Variants in MBTPS1 observed in about 807,000 individuals in gnomAD.
The protein encoded by MBTPS1 is membrane-bound transcription factor site-1 protease.
In MBTPS1, 94 loss-of-function variants were observed where a neutral mutation model predicts 127.8. The observed-to-expected ratio is 0.74, with a 90% CI of 0.62 to 0.87. MBTPS1 has a LOEUF of 0.87. Among genes scored for constraint, MBTPS1 ranks in the 40% least tolerant of loss-of-function variants. MBTPS1 has a pLI of 0.00. For synonymous variants in MBTPS1, 632 were observed against 509.4 expected (o/e 1.24, Z -3.24); for missense variants, 1,636 against 1,353.2 (o/e 1.21, Z -3.28).
chr16:84,060,751 G>A lies in MBTPS1; in HGVS notation c.2635C>T (p.Leu879Phe). ...YTSYGVTPPS[L>F]SHSGNRQRPP... ...CGCTGGCGGTTCCCAGAGTGACTGA[G>A]GCTAGGCGGTGTCACCCCATACGAT... The change falls in exon 20 of 23, where the codon CTC (leucine) becomes TTC (phenylalanine). Residue 879 changes from leucine (L) to phenylalanine (F), a missense_variant. Physicochemically the swap from Leu to Phe is conservative, Grantham distance 22. Transcript: ENST00000343411. 1 of 1,611,488 alleles carries A rather than the reference G, an allele frequency of 6.2e-7. No homozygotes were observed. The highest frequency in any genetic ancestry group is 1.1e-5 in the South Asian group (1 of 90,338).
Position 84,081,860 on chromosome 16 carries a change from G to C in MBTPS1, c.1335C>G (p.Ala445=). The change falls in exon 11 of 23, where the codon GCC becomes GCG. Residue 445 remains alanine (A), a synonymous_variant. Transcript: ENST00000343411. ...GGAGCCTCCGGGCTGACGCGATCAG[G>C]GCCTGCTTCATACTGGCGGGATTCA... ...ELVNPASMKQ[A]LIASARRLPG... The C allele has an allele frequency of 1.3e-6, 2 of 1,510,848 alleles. No homozygotes were observed. Among genetic ancestry groups the C allele is most frequent in the Non-Finnish European group, 1.8e-6 (2 of 1,128,686 alleles). The allele number at this position is 1,510,848 out of a possible 1,614,324, so 93.6% of individuals were successfully genotyped here.
At chr16:84,083,976 T>C (rs1467835161) in intron 10 of MBTPS1, among the ~76,000 whole-genome samples, 4 of 152,206 alleles carry the variant, frequency 2.6e-5, no homozygotes, top group South Asian at 4.1e-4. Flanking sequence ...GATTGGCTGA[T>C]TGAGACAGAG....
chr16:84,102,165 T>A (rs547006304), intron 1 of MBTPS1, 58 bp from the exon 2 acceptor site: 1 of 158,580 alleles, frequency 6.3e-6, no homozygotes, highest in Non-Finnish European at 1.4e-5. Context: ...TAGCCAGGTA[T>A]GATTTAGTTG....
rs994714729 is a variant in MBTPS1 at position 84,101,769 on chromosome 16, G to C, written c.15C>G (p.Asn5Lys). The change falls in exon 2 of 23, where the codon AAC (asparagine) becomes AAG (lysine). Residue 5 changes from asparagine to lysine, a missense_variant. Transcript: ENST00000343411. MKLV[N>K]IWLLLLVVLL... is the part of the protein sequence containing the mutation. ...AAACCACGAGCAGAAGCAGCCAGAT[G>C]TTGACAAGCTTCATGGTCACAAGCG... is the stretch of plus-strand genomic sequence containing the variant. 1.9e-6 allele frequency: 3 copies of C among 1,613,420 alleles called. No homozygotes were observed. The highest frequency in any genetic ancestry group is 2.5e-6 in the Non-Finnish European group (3 of 1,179,662).
chr16:84,088,815 G>GA (rs1339991643), intron 8 of MBTPS1, among the ~76,000 whole-genome samples: 2 of 152,060 alleles, frequency 1.3e-5, no homozygotes, highest in African/African-American at 4.8e-5. Context: ...TGCCCAAGCA[G>GA]AAAAAACCAC....
At chr16:84,091,418 G>A (rs536561186) in intron 7 of MBTPS1, among the ~76,000 whole-genome samples, 18 of 150,776 alleles carry the variant, frequency 1.2e-4, no homozygotes, top group African/African-American at 4.2e-4. Flanking sequence ...CCTGGGAGGC[G>A]GAGGTTGCAG....
chr16:84,065,791 AG>A, intron 17 of MBTPS1, 24 bp from the exon 18 acceptor site: 4 of 1,454,908 alleles, frequency 2.7e-6, no homozygotes, highest in South Asian at 2.5e-5. Flanking sequence ...TTCAAAGTCA[AG>A]GGAACACAGG....
intron 8 of MBTPS1, among the ~76,000 whole-genome samples, chr16:84,088,204 C>G (rs563916466): frequency 5.9e-5 from 9 of 152,222 alleles, no homozygotes; most frequent in Non-Finnish European, 1.3e-4. Flanking sequence ...TATGGCTCCA[C>G]TACCAAAAAA....
At chr16:84,102,292 A>T (rs997683534) in intron 1 of MBTPS1, among the ~76,000 whole-genome samples, 185 bp from the exon 2 acceptor site, 1 of 152,200 alleles carries the variant, frequency 6.6e-6, no homozygotes, top group Non-Finnish European at 1.5e-5. Context: ...GTCCAGCCTG[A>T]GCAACAAAGT....
intron 1 of MBTPS1, among the ~76,000 whole-genome samples, chr16:84,114,686 C>T (rs1331187163): frequency 6.6e-6 from 1 of 151,444 alleles, no homozygotes; most frequent in African/African-American, 2.4e-5. Context: ...AAAAATTAGC[C>T]GGGTGTGGTG....
intron 1 of MBTPS1, among the ~76,000 whole-genome samples, chr16:84,102,945 C>T (rs902007553): frequency 6.6e-6 from 1 of 152,022 alleles, no homozygotes. Context: ...GTTATAAAAC[C>T]AGATTATCTC....
Position 84,070,675 on chromosome 16 carries a change from G to A in MBTPS1, c.1695C>T (p.Ser565=), listed in dbSNP as rs2085757469. The part of the protein sequence containing the change: ...LWPWSGYLAI[S]ISVTKKAASW... ...AAGCCGCTTTCTTGGTCACAGAAAT[G>A]GAGATGGCCAGGTAGCCCGACCAAG... The change falls in exon 13 of 23, where the codon TCC becomes TCT. Residue 565 remains serine (S), a synonymous_variant. Transcript: ENST00000343411. The A allele has an allele frequency of 1.2e-6, 2 of 1,614,042 alleles. No homozygotes were observed. The highest frequency in any genetic ancestry group is 1.7e-6 in the Non-Finnish European group (2 of 1,180,004).
intron 5 of MBTPS1, 27 bp from the exon 6 acceptor site, chr16:84,093,324 A>G: frequency 1.4e-6 from 2 of 1,445,488 alleles, no homozygotes; most frequent in Non-Finnish European, 1.9e-6. Flanking sequence ...AAACAATCCC[A>G]TAAAACACAC....
chr16:84,080,005 G>A (rs1325399274), intron 11 of MBTPS1, among the ~76,000 whole-genome samples: 3 of 152,324 alleles, frequency 2.0e-5, no homozygotes, highest in African/African-American at 7.2e-5. Flanking sequence ...CTGATACCAA[G>A]GCTAGAGCAC....
Position 84,090,913 on chromosome 16 carries a change from G to C in MBTPS1, c.993C>G (p.Ile331Met), listed in dbSNP as rs768808163. 21 of 1,612,002 alleles carry C rather than the reference G, an allele frequency of 1.3e-5. No homozygotes were observed. The East Asian group carries it at 4.0e-4, about 31-fold the overall frequency. The change falls in exon 8 of 23, where the codon ATC (isoleucine) becomes ATG (methionine). Residue 331 changes from isoleucine to methionine, a missense_variant. Transcript: ENST00000343411. ...CGTCATTGCCAATAGCAGAAACCATGATTACATTGTTAGCTGTTAATTCCC... is the reference window on the plus strand; with the variant it reads ...CGTCATTGCCAATAGCAGAAACCATCATTACATTGTTAGCTGTTAATTCCC... ...KVWELTANNV[I>M]MVSAIGNDGP...
rs890675618 is a variant in MBTPS1 at position 84,054,717 on chromosome 16, C to A, written c.2963-72G>T. ...CCATGACGGCCTTTTTCTATGACGG[C>A]TGGATTCATCAGAAACTAAATGCGA... On this transcript the variant is annotated intron_variant, in intron 22 of 22. Coordinates refer to ENST00000343411, the MANE Select transcript of MBTPS1 (RefSeq NM_003791.4). The A allele has an allele frequency of 1.1e-5, 13 of 1,201,754 alleles. No homozygotes were observed. In the African/African-American group the frequency reaches 1.2e-4, roughly 11 times the overall value. 74.4% of individuals were successfully genotyped at this position (1,201,754 alleles called of 1,614,324 possible).
chr16:84,115,792 G>C (rs1190084935), intron 1 of MBTPS1, among the ~76,000 whole-genome samples: 1 of 152,154 alleles, frequency 6.6e-6, no homozygotes, highest in Non-Finnish European at 1.5e-5. Context: ...TTCTAAAAGT[G>C]GATTTGGTAG....
At chr16:84,091,676 G>A (rs2086109148) in intron 7 of MBTPS1, 56 bp downstream of exon 7, 1 of 1,186,548 alleles carries the variant, frequency 8.4e-7, no homozygotes, top group South Asian at 1.2e-5. Context: ...TGCAAAGTTG[G>A]GCTGCGAAAG....
At chr16:84,105,451 C>T (rs368022882) in intron 1 of MBTPS1, among the ~76,000 whole-genome samples, 17 of 152,138 alleles carry the variant, frequency 1.1e-4, no homozygotes, top group African/African-American at 3.1e-4. Context: ...CAGTTCTCTC[C>T]GGGCTGTGAA....
Sources: allele counts gnomAD v4.1 joint callset (sites outside exome capture counted in the v4.1 genomes callset), GRCh38; gene constraint gnomAD v4.1.1; transcripts MANE v1.5; gene names NCBI Gene and HGNC (gene_info 2026-07-23, HGNC 2026-07-21).